PTPRD: variants seen among roughly 807,000 people sequenced by gnomAD.
PTPRD encodes receptor-type tyrosine-protein phosphatase delta.
In PTPRD, 34 loss-of-function variants were observed where a neutral mutation model predicts 214.5. That is an observed-to-expected ratio of 0.16 (90% confidence interval 0.12 to 0.21). The LOEUF (loss-of-function observed/expected upper bound fraction) is 0.21, where lower values mean the gene tolerates loss of function less well. Among genes scored for constraint, PTPRD ranks in the 10% least tolerant of loss-of-function variants. The pLI is 1.00. For missense variants in PTPRD, 2,545 were observed against 2,398.7 expected, an observed-to-expected ratio of 1.06 and a Z score of -1.27; for synonymous variants, 1,128 against 845.7, an observed-to-expected ratio of 1.33 and a Z score of -5.79.
chr9:10,579,740 G>T (rs568067979), intron 2 of PTPRD, among the ~76,000 whole-genome samples: 2 of 152,204 alleles, frequency 1.3e-5, no homozygotes, highest in East Asian at 3.9e-4. Flanking sequence ...GTGTATAACT[G>T]TTCCCTTTTC....
chr9:9,477,904 A>G (rs1224609297), intron 8 of PTPRD, among the ~76,000 whole-genome samples: 1 of 152,178 alleles, frequency 6.6e-6, no homozygotes, highest in South Asian at 2.1e-4. Flanking sequence ...AACATCTGTA[A>G]TAAATAGTTC....
chr9:10,123,329 G>C (rs565852661), intron 3 of PTPRD, among the ~76,000 whole-genome samples: 61 of 152,322 alleles, frequency 4.0e-4, no homozygotes, highest in African/African-American at 1.4e-3. Flanking sequence ...GTGTGAACTT[G>C]TGAGGTGAGG....
At chr9:9,294,380 A>C (rs1423637490) in intron 9 of PTPRD, among the ~76,000 whole-genome samples, 1 of 151,752 alleles carries the variant, frequency 6.6e-6, no homozygotes, top group Non-Finnish European at 1.5e-5. Context: ...ATGAGTTCAT[A>C]CTCAAGAAAG....
intron 9 of PTPRD, among the ~76,000 whole-genome samples, chr9:9,363,370 G>C (rs897629357): frequency 1.1e-4 from 17 of 151,050 alleles, no homozygotes; most frequent in Non-Finnish European, 2.2e-4. Flanking sequence ...TATACCTGAA[G>C]AACAAAATCT....
intron 11 of PTPRD, among the ~76,000 whole-genome samples, chr9:8,905,184 T>C (rs2098699094): frequency 6.6e-6 from 1 of 152,182 alleles, no homozygotes; most frequent in Non-Finnish European, 1.5e-5. Flanking sequence ...ATCAATCCAA[T>C]GTTTATGTTT....
chr9:9,108,311 A>G (rs185890058), intron 10 of PTPRD, among the ~76,000 whole-genome samples: 2 of 152,272 alleles, frequency 1.3e-5, no homozygotes, highest in Admixed American at 1.3e-4. Context: ...AGGGGTGAAG[A>G]TACATTGTAG....
In PTPRD at chr9:9,467,234, T is replaced by TTTTTTTTTTC. The variant is rs1569568586; in HGVS notation, c.-236-69753_-236-69752insGAAAAAAAAA. 2.4e-5 allele frequency among the ~76,000 whole-genome samples: 3 copies of TTTTTTTTTTC among 123,054 alleles called. 1 individual carries two copies. Among genetic ancestry groups the TTTTTTTTTTC allele is most frequent in the Non-Finnish European group, 3.4e-5 (2 of 58,862 alleles). 80.7% of individuals were successfully genotyped at this position (123,054 alleles called of 152,430 possible). A position where few individuals can be genotyped will look rare whatever the true frequency, so the allele number is the denominator to read the frequency against. ...TTATCTTTTTTTTTTTTTTTTTTTT[T>TTTTTTTTTTC]TTTAACCTAATGCTTCCCAGTTTTT... On this transcript the variant is annotated intron_variant, in intron 8 of 45. Transcript: ENST00000381196.
chr9:10,220,198 G>C (rs2099562881), intron 3 of PTPRD, among the ~76,000 whole-genome samples: 1 of 151,642 alleles, frequency 6.6e-6, no homozygotes, highest in African/African-American at 2.4e-5. Context: ...ATAAATTGCA[G>C]TATAACACAA....
In PTPRD at chr9:10,194,088, G is replaced by A. The variant is rs949651861; in HGVS notation, c.-545+146875C>T. Among the ~76,000 whole-genome samples, 6 of 151,904 alleles carry A rather than the reference G, an allele frequency of 3.9e-5. 1 individual carries two copies. In the South Asian group the frequency reaches 1.0e-3, roughly 26 times the overall value. The stretch of plus-strand genomic sequence containing the variant: ...ATACGTACTCAGTATTCAAAGCAAC[G>A]TTCAGCCAAAATACAATTTTGGAGG... On this transcript the variant is annotated intron_variant, in intron 3 of 45. Coordinates refer to ENST00000381196, the MANE Select transcript of PTPRD (RefSeq NM_002839.4).
At chr9:10,039,342 C>T (rs955783970) in intron 3 of PTPRD, among the ~76,000 whole-genome samples, 2 of 151,948 alleles carry the variant, frequency 1.3e-5, no homozygotes, top group African/African-American at 2.4e-5. Context: ...GTCCATGTCC[C>T]TATAGCCAAT....
chr9:8,682,069 C>A (rs539425286), intron 12 of PTPRD, among the ~76,000 whole-genome samples: 7 of 151,970 alleles, frequency 4.6e-5, no homozygotes, highest in Non-Finnish European at 8.8e-5. Context: ...AACATATGTA[C>A]GTAAAAAATT....
At chr9:9,236,902 T>C (rs2099967131) in intron 9 of PTPRD, among the ~76,000 whole-genome samples, 1 of 152,096 alleles carries the variant, frequency 6.6e-6, no homozygotes, top group South Asian at 2.1e-4. Flanking sequence ...TGGCTGTCAT[T>C]TGGAGTGCTC....
At chr9:8,351,744 A>T (rs1298978372) in intron 39 of PTPRD, among the ~76,000 whole-genome samples, 2 of 26,038 alleles carry the variant, frequency 7.7e-5, no homozygotes, top group Non-Finnish European at 2.3e-4. Context: ...GCAAAGAGTA[A>T]AAAAAAAAAA....
At chr9:10,522,991 G>T (rs866597097) in intron 2 of PTPRD, among the ~76,000 whole-genome samples, 1 of 151,914 alleles carries the variant, frequency 6.6e-6, no homozygotes, top group South Asian at 2.1e-4. Flanking sequence ...ATAATATGAA[G>T]TACTAGTTTA....
In PTPRD at chr9:10,118,877, A is replaced by C. The variant is rs949670910; in HGVS notation, c.-544-85087T>G. Among the ~76,000 whole-genome samples, 69 of 147,452 alleles carry C rather than the reference A, an allele frequency of 4.7e-4. 1 individual carries two copies. Among genetic ancestry groups the C allele is most frequent in the African/African-American group, 1.4e-3 (58 of 40,278 alleles). ...CTGGGAAATACACCAAAAATAAATA[A>C]ATAAATAAATAAATAAATAAATAAT... is the stretch of plus-strand genomic sequence containing the variant. On this transcript the variant is annotated intron_variant, in intron 3 of 45. Coordinates refer to ENST00000381196, the MANE Select transcript of PTPRD (RefSeq NM_002839.4).
At chr9:9,218,986 T>C (rs1423120900) in intron 9 of PTPRD, among the ~76,000 whole-genome samples, 1 of 152,112 alleles carries the variant, frequency 6.6e-6, no homozygotes, top group African/African-American at 2.4e-5. Flanking sequence ...AGCATAAGCA[T>C]CAATGAATAT....
Position 8,402,318 on chromosome 9 carries a change from C to T in PTPRD, c.4210+2219G>A, listed in dbSNP as rs74487082. On this transcript the variant is annotated intron_variant, in intron 36 of 45. Transcript: ENST00000381196. Reference sequence around the variant, plus strand: ...TTATAATATAAAACCAGCATAGGAACGAAATGTGCATAGTTTTCAACCATC... The same window carrying T: ...TTATAATATAAAACCAGCATAGGAATGAAATGTGCATAGTTTTCAACCATC... Among the ~76,000 whole-genome samples, 93 of 152,064 alleles carry T rather than the reference C, an allele frequency of 6.1e-4. 1 individual carries two copies. The East Asian group carries it at 0.017, about 28-fold the overall frequency.
intron 23 of PTPRD, among the ~76,000 whole-genome samples, chr9:8,502,848 G>GTGTGTATATATATATATATATATA (rs1554658829): frequency 6.8e-6 from 1 of 147,100 alleles, no homozygotes; most frequent in African/African-American, 2.5e-5. Context: ...ATGTGTGTGT[G>GTGTGTATATATATATATATATATA]TATATATATA....
chr9:9,595,862 G>C (rs909738557), intron 7 of PTPRD, among the ~76,000 whole-genome samples: 1 of 151,296 alleles, frequency 6.6e-6, no homozygotes, highest in Non-Finnish European at 1.5e-5. Context: ...CTCAATGATA[G>C]GTACACCAAA....
Sources: allele counts gnomAD v4.1 joint callset (sites outside exome capture counted in the v4.1 genomes callset), GRCh38; gene constraint gnomAD v4.1.1; transcripts MANE v1.5; gene names NCBI Gene and HGNC (gene_info 2026-07-23, HGNC 2026-07-21).